Variants in GRIN2B observed in about 807,000 individuals in gnomAD.
GRIN2B encodes the protein glutamate ionotropic receptor NMDA type subunit 2B.
A neutral mutation model predicts 114.5 loss-of-function variants in GRIN2B; 5 were observed. That is an observed-to-expected ratio of 0.04 (90% CI 0.02 to 0.09). The LOEUF (loss-of-function observed/expected upper bound fraction) is 0.09, where lower values mean the gene tolerates loss of function less well. Ranked by LOEUF, GRIN2B falls within the 10% of genes least tolerant of loss-of-function variation. The pLI is 1.00. For synonymous variants in GRIN2B, 787 were observed against 745.1 expected (o/e 1.06, Z -0.92); for missense variants, 1,108 against 1,943.5 (o/e 0.57, Z 8.08).
chr12:13,838,647 A>G (rs889009114), intron 3 of GRIN2B, among the ~76,000 whole-genome samples: 13 of 152,192 alleles, frequency 8.5e-5, no homozygotes, highest in Admixed American at 7.9e-4. Context: ...TCAAGGATTA[A>G]TAGGGTGAAA....
At position 13,774,719 on chromosome 12, in the gene GRIN2B, C is replaced by T. The variant is rs530790814; in HGVS notation, c.412-20804G>A. 7.9e-5 allele frequency among the ~76,000 whole-genome samples: 12 copies of T among 152,212 alleles called. No homozygotes were observed. The East Asian group carries it at 1.7e-3, about 22-fold the overall frequency. ...TTAGCTTTATGTATTTCCTTTTAAACGCATAACATGCGTTCAATCTTTCCT... is the reference window on the plus strand; with the variant it reads ...TTAGCTTTATGTATTTCCTTTTAAATGCATAACATGCGTTCAATCTTTCCT... On this transcript the variant is annotated intron_variant, in intron 3 of 13. Coordinates refer to ENST00000609686, the MANE Select transcript of GRIN2B (RefSeq NM_000834.5).
chr12:13,762,367 T>C (rs1486745278), intron 3 of GRIN2B, among the ~76,000 whole-genome samples: 2 of 152,184 alleles, frequency 1.3e-5, no homozygotes, highest in African/African-American at 4.8e-5. Context: ...AATCATCTTA[T>C]TTAACTTAAG....
chr12:13,798,750 G>A (rs138158242), intron 3 of GRIN2B, among the ~76,000 whole-genome samples: 7 of 151,812 alleles, frequency 4.6e-5, no homozygotes, highest in Non-Finnish European at 2.9e-5. Flanking sequence ...TTATTCCCAC[G>A]CTTGGACAAT....
chr12:13,679,076 T>C (rs1336504741), intron 4 of GRIN2B, among the ~76,000 whole-genome samples: 1 of 149,136 alleles, frequency 6.7e-6, no homozygotes, highest in Non-Finnish European at 1.5e-5. Flanking sequence ...AAGAGAGAGA[T>C]GGAGGAGAGA....
At chr12:13,727,847 G>C (rs575947707) in intron 4 of GRIN2B, among the ~76,000 whole-genome samples, 30 of 152,238 alleles carry the variant, frequency 2.0e-4, no homozygotes, top group African/African-American at 7.0e-4. Flanking sequence ...CTGGATAATA[G>C]CTCTGTGGGG....
intron 10 of GRIN2B, among the ~76,000 whole-genome samples, chr12:13,591,540 GCTT>G (rs1418219635): frequency 6.6e-6 from 1 of 152,166 alleles, no homozygotes; most frequent in Non-Finnish European, 1.5e-5. Context: ...AGATCACATA[GCTT>G]CTTGTCTTAG....
intron 3 of GRIN2B, among the ~76,000 whole-genome samples, chr12:13,810,510 G>A (rs1018168138): frequency 2.0e-5 from 3 of 152,124 alleles, no homozygotes; most frequent in Non-Finnish European, 4.4e-5. Context: ...GTAGTTTTGT[G>A]AATATGCTCA....
chr12:13,821,884 C>A (rs1864944810), intron 3 of GRIN2B, among the ~76,000 whole-genome samples: 2 of 152,152 alleles, frequency 1.3e-5, no homozygotes, highest in Admixed American at 1.3e-4. Context: ...GTTTTTCAGA[C>A]TTCTAAACAT....
intron 2 of GRIN2B, among the ~76,000 whole-genome samples, chr12:13,891,345 A>G (rs1366120934): frequency 2.0e-5 from 3 of 151,940 alleles, no homozygotes; most frequent in African/African-American, 7.3e-5. Flanking sequence ...TCCTCCCTTC[A>G]AGGTCCTGAC....
At chr12:13,567,546 C>T (rs1194338436) in intron 12 of GRIN2B, among the ~76,000 whole-genome samples, 3 of 152,162 alleles carry the variant, frequency 2.0e-5, no homozygotes, top group African/African-American at 7.2e-5. Context: ...CATTATCTAG[C>T]CTGTATAAAT....
intron 4 of GRIN2B, among the ~76,000 whole-genome samples, chr12:13,745,523 C>G (rs914278345): frequency 1.3e-5 from 2 of 152,200 alleles, no homozygotes; most frequent in African/African-American, 2.4e-5. Flanking sequence ...GTAGCATGCT[C>G]TAGCAAAGAG....
chr12:13,559,179 C>A lies in GRIN2B; in HGVS notation c.*3604G>T, dbSNP rs1224209771. 6.8e-6 allele frequency: 1 copy of A among 147,722 alleles called. No individual in the cohort carries two copies. The highest frequency in any genetic ancestry group is 1.5e-5 in the Non-Finnish European group (1 of 67,686). 9.2% of individuals were successfully genotyped at this position (147,722 alleles called of 1,614,324 possible). On this transcript the variant is annotated 3_prime_UTR_variant, in exon 14 of 14. Coordinates refer to ENST00000609686, the MANE Select transcript of GRIN2B (RefSeq NM_000834.5). The stretch of plus-strand genomic sequence containing the variant: ...AGTAACATCTAGATTTTAACAATGC[C>A]CAGCCTTCCTTTCTTTAAGTTTTCT...
chr12:13,971,468 C>T (rs751268565), intron 2 of GRIN2B, among the ~76,000 whole-genome samples: 27 of 152,106 alleles, frequency 1.8e-4, no homozygotes, highest in Admixed American at 1.3e-3. Context: ...CAGAGAAGAA[C>T]GACATCTTGA....
chr12:13,596,359 C>A (rs2136448721), intron 10 of GRIN2B, among the ~76,000 whole-genome samples: 1 of 152,304 alleles, frequency 6.6e-6, no homozygotes, highest in Middle Eastern at 3.4e-3. Context: ...AGGAGTTTCA[C>A]AGAATTAAGC....
At chr12:13,971,291 T>A (rs1862907532) in intron 2 of GRIN2B, among the ~76,000 whole-genome samples, 1 of 152,212 alleles carries the variant, frequency 6.6e-6, no homozygotes, top group African/African-American at 2.4e-5. Context: ...TATTCTTTTA[T>A]AGTTTGTCTT....
intron 3 of GRIN2B, among the ~76,000 whole-genome samples, chr12:13,848,259 C>T (rs1293717747): frequency 6.6e-6 from 1 of 152,096 alleles, no homozygotes; most frequent in African/African-American, 2.4e-5. Flanking sequence ...ATACAAATGC[C>T]CCTAGGGAGG....
intron 10 of GRIN2B, among the ~76,000 whole-genome samples, chr12:13,603,981 CA>C (rs111720832): frequency 7.2e-5 from 11 of 152,214 alleles, no homozygotes; most frequent in African/African-American, 2.6e-4. Context: ...ACAGAGCATA[CA>C]AAATGTACCT....
chr12:13,647,844 A>G (rs1949775981), intron 5 of GRIN2B, among the ~76,000 whole-genome samples: 1 of 152,090 alleles, frequency 6.6e-6, no homozygotes, highest in Non-Finnish European at 1.5e-5. Flanking sequence ...GGGCCTATGA[A>G]TAAGGTTCCA....
intron 3 of GRIN2B, among the ~76,000 whole-genome samples, chr12:13,830,478 T>G (rs1021463152): frequency 2.0e-5 from 3 of 152,152 alleles, no homozygotes; most frequent in Non-Finnish European, 2.9e-5. Flanking sequence ...ATAGCAAACA[T>G]AGTAGGAGAA....
Sources: allele counts gnomAD v4.1 joint callset (sites outside exome capture counted in the v4.1 genomes callset), GRCh38; gene constraint gnomAD v4.1.1; transcripts MANE v1.5; gene names NCBI Gene and HGNC (gene_info 2026-07-23, HGNC 2026-07-21).